Variants in SLC35F4 observed in about 807,000 individuals in gnomAD.
SLC35F4 encodes chromosome 14 open reading frame 36.
Under a neutral mutation model 44.2 loss-of-function variants are expected in SLC35F4, and 24 were observed. The observed-to-expected ratio is 0.54, with a 90% CI of 0.39 to 0.76. The LOEUF (loss-of-function observed/expected upper bound fraction) is 0.76. SLC35F4 is among the 30% of genes least tolerant of loss of function. The pLI, the probability that SLC35F4 is intolerant of heterozygous loss-of-function variation, is 0.00. For missense variants in SLC35F4, 562 were observed against 586.1 expected (o/e 0.96, Z 0.42); for synonymous variants, 238 against 223.6 (o/e 1.06, Z -0.57).
chr14:57,908,866 T>C (rs1209778310), intron 1 of SLC35F4, among the ~76,000 whole-genome samples: 1 of 152,194 alleles, frequency 6.6e-6, no homozygotes, highest in African/African-American at 2.4e-5. Flanking sequence ...CCCATGCCTA[T>C]GTCCTGAATG....
intron 1 of SLC35F4, among the ~76,000 whole-genome samples, chr14:57,852,424 A>T (rs1886664284): frequency 6.6e-6 from 1 of 152,196 alleles, no homozygotes; most frequent in African/African-American, 2.4e-5. Context: ...AGCTGCGTTC[A>T]GAGTTTTATA....
At chr14:57,641,624 G>A (rs1003144381) in intron 1 of SLC35F4, among the ~76,000 whole-genome samples, 2 of 151,946 alleles carry the variant, frequency 1.3e-5, no homozygotes, top group African/African-American at 4.8e-5. Flanking sequence ...GATTCATGCT[G>A]TAATGCTTTT....
chr14:57,941,035 C>T (rs1232037830), intron 1 of SLC35F4, among the ~76,000 whole-genome samples: 1 of 152,138 alleles, frequency 6.6e-6, no homozygotes, highest in Non-Finnish European at 1.5e-5. Flanking sequence ...TGGAAAATAA[C>T]AAGAAAAATT....
In SLC35F4 at chr14:57,925,116, A is replaced by C. The variant is rs570198929; in HGVS notation, n.282+56797T>G. Among the ~76,000 whole-genome samples the C allele has an allele frequency of 6.5e-4, 98 of 149,776 alleles. 1 individual carries two copies. Among genetic ancestry groups the C allele is most frequent in the South Asian group, 3.0e-3 (14 of 4,686 alleles). ...TAAAGTGAGAATTCACTCATCCCGC[A>C]CCCTCCCACCCCAGAGAAGCCATCA... On this transcript the variant is annotated intron_variant and non_coding_transcript_variant, in intron 1 of 1. Transcript: ENST00000556568.
intron 1 of SLC35F4, among the ~76,000 whole-genome samples, chr14:57,941,672 G>A (rs1056772621): frequency 6.6e-6 from 1 of 151,950 alleles, no homozygotes; most frequent in Non-Finnish European, 1.5e-5. Context: ...TCACTTTAAA[G>A]TGATTAATTT....
At chr14:57,633,340 A>G (rs1174739260) in intron 1 of SLC35F4, among the ~76,000 whole-genome samples, 1 of 152,086 alleles carries the variant, frequency 6.6e-6, no homozygotes, top group Non-Finnish European at 1.5e-5. Flanking sequence ...ACCATTTTGC[A>G]TTTCCACTAC....
chr14:57,973,570 G>A (rs140070911), downstream of SLC35F4, among the ~76,000 whole-genome samples: 334 of 152,262 alleles, frequency 2.2e-3, no homozygotes, highest in African/African-American at 7.4e-3. Context: ...GGGAATAAAT[G>A]TTGTGGCCCA....
chr14:57,904,147 A>C (rs1889065094), intron 1 of SLC35F4, among the ~76,000 whole-genome samples: 3 of 152,212 alleles, frequency 2.0e-5, no homozygotes, highest in Admixed American at 6.5e-5. Context: ...ATCCATTAAC[A>C]ATTTAAGCCT....
intron 1 of SLC35F4, among the ~76,000 whole-genome samples, chr14:57,951,729 C>T (rs761850896): frequency 6.6e-6 from 1 of 152,214 alleles, no homozygotes; most frequent in East Asian, 1.9e-4. Context: ...CAAACTGCCT[C>T]TCTAGATTTC....
chr14:57,695,427 T>C (rs531365267), intron 1 of SLC35F4, among the ~76,000 whole-genome samples: 239 of 151,656 alleles, frequency 1.6e-3, no homozygotes, highest in Non-Finnish European at 2.6e-3. Flanking sequence ...AAAACGCTCA[T>C]CATCACTGGC....
At position 57,791,920 on chromosome 14, in the gene SLC35F4, C is replaced by T. The variant is rs188464987; in HGVS notation, c.103+73803G>A. ...ATAAGTGGGAGTTGACCAATGAGAA[C>T]GTATGGGTACAGGGAGGGGAACATC... On this transcript the variant is annotated intron_variant, in intron 1 of 7. Coordinates refer to ENST00000556826, the MANE Select transcript of SLC35F4 (RefSeq NM_001306087.2). 2.3e-4 allele frequency among the ~76,000 whole-genome samples: 34 copies of T among 148,192 alleles called. No individual in the cohort carries two copies. The East Asian group carries it at 5.9e-3, about 26-fold the overall frequency.
chr14:57,653,301 C>G (rs1012657060), intron 1 of SLC35F4, among the ~76,000 whole-genome samples: 4 of 152,066 alleles, frequency 2.6e-5, no homozygotes, highest in African/African-American at 9.7e-5. Flanking sequence ...TTCAGTGTAC[C>G]AAGAACAGTC....
chr14:57,945,893 A>C (rs1318299511), intron 1 of SLC35F4, among the ~76,000 whole-genome samples: 1 of 151,988 alleles, frequency 6.6e-6, no homozygotes, highest in Non-Finnish European at 1.5e-5. Flanking sequence ...GTATTTTTTC[A>C]TATGTCTGTT....
intron 1 of SLC35F4, among the ~76,000 whole-genome samples, chr14:57,900,103 G>T (rs921635329): frequency 1.7e-5 from 2 of 118,100 alleles, no homozygotes; most frequent in African/African-American, 3.0e-5. Context: ...AGCACTGATT[G>T]GTGCATTTTA....
At chr14:57,585,312 A>C (rs551658787) in intron 3 of SLC35F4, among the ~76,000 whole-genome samples, 1 of 152,286 alleles carries the variant, frequency 6.6e-6, no homozygotes, top group East Asian at 1.9e-4. Flanking sequence ...AAAAGTTCTT[A>C]AACTAGGTAT....
chr14:57,890,999 G>C (rs1470799938), intron 1 of SLC35F4, among the ~76,000 whole-genome samples: 1 of 152,158 alleles, frequency 6.6e-6, no homozygotes, highest in African/African-American at 2.4e-5. Flanking sequence ...AAGGCTTGCT[G>C]TCTCTTCTCC....
intron 1 of SLC35F4, among the ~76,000 whole-genome samples, chr14:57,716,381 G>A (rs2075944430): frequency 6.6e-6 from 1 of 151,652 alleles, no homozygotes; most frequent in African/African-American, 2.4e-5. Context: ...GCAGACACAT[G>A]TGAAAAATCA....
chr14:57,893,938 C>G (rs1249178426), intron 1 of SLC35F4, among the ~76,000 whole-genome samples: 1 of 152,044 alleles, frequency 6.6e-6, no homozygotes, highest in Non-Finnish European at 1.5e-5. Context: ...CATAGAAATT[C>G]AAAAGTATTT....
At chr14:57,596,183 A>T (rs2070476388) in intron 1 of SLC35F4, 1 of 155,346 alleles carries the variant, frequency 6.4e-6, no homozygotes, top group Non-Finnish European at 1.4e-5. Context: ...ACCCATACAA[A>T]TAAAATAAAA....
Sources: gnomAD v4.1 joint callset for allele counts (sites outside exome capture counted in the v4.1 genomes callset) on GRCh38, gnomAD v4.1.1 for gene constraint, MANE v1.5 for transcripts, NCBI Gene and HGNC (gene_info 2026-07-23, HGNC 2026-07-21) for gene names.